TAF4: variants seen among roughly 807,000 people sequenced by gnomAD.
TAF4 encodes TATA-box binding protein associated factor 4.
In TAF4, 9 loss-of-function variants were observed where a neutral mutation model predicts 90.3. The observed-to-expected ratio is 0.10, with a 90% CI of 0.06 to 0.17. TAF4 has a LOEUF of 0.17. TAF4 is among the 10% of genes least tolerant of loss of function. The probability of loss-of-function intolerance (pLI) is 1.00; values close to 1 mark genes in which losing one functional copy is unlikely to be tolerated. For synonymous variants in TAF4, 818 were observed against 638.9 expected, an observed-to-expected ratio of 1.28 and a Z score of -4.23; for missense variants, 1,351 against 1,370.7, an observed-to-expected ratio of 0.99 and a Z score of 0.23.
intron 1 of TAF4, among the ~76,000 whole-genome samples, chr20:62,029,764 G>T (rs576519490): frequency 1.2e-4 from 19 of 152,258 alleles, no homozygotes; most frequent in Non-Finnish European, 2.2e-4. Flanking sequence ...AAATTAGCTG[G>T]GCGTGGGAGC....
intron 1 of TAF4, among the ~76,000 whole-genome samples, chr20:62,060,917 G>A (rs1040172320): frequency 2.0e-5 from 3 of 152,204 alleles, no homozygotes; most frequent in Non-Finnish European, 2.9e-5. Context: ...AGTGAAAAAT[G>A]AGGGGAACTG....
intron 14 of TAF4, among the ~76,000 whole-genome samples, chr20:61,983,621 C>T (rs761256047): frequency 6.6e-6 from 1 of 152,130 alleles, no homozygotes; most frequent in Non-Finnish European, 1.5e-5. Context: ...GCTATGATCA[C>T]GCCACCAAAC....
chr20:62,030,548 C>T (rs989394072), intron 1 of TAF4, among the ~76,000 whole-genome samples: 2 of 152,204 alleles, frequency 1.3e-5, no homozygotes, highest in Non-Finnish European at 2.9e-5. Context: ...TGCCTCGAAG[C>T]ACATTTTCAA....
At chr20:62,023,702 CAT>C (rs1279820401) in intron 1 of TAF4, among the ~76,000 whole-genome samples, 1 of 137,798 alleles carries the variant, frequency 7.3e-6, no homozygotes, top group Non-Finnish European at 1.5e-5. Context: ...GAGCCGAGAC[CAT>C]GCCACTGCAC....
At chr20:62,027,104 A>G (rs748026026) in intron 1 of TAF4, among the ~76,000 whole-genome samples, 6 of 152,206 alleles carry the variant, frequency 3.9e-5, no homozygotes, top group Admixed American at 3.9e-4. Context: ...TTCACCCTGA[A>G]GTTTAAAGAC....
chr20:61,985,088 G>A (rs1020012379), intron 14 of TAF4, among the ~76,000 whole-genome samples: 8 of 133,782 alleles, frequency 6.0e-5, no homozygotes, highest in Non-Finnish European at 1.0e-4. Flanking sequence ...CTTTCTATAC[G>A]TTTTTGTACA....
At chr20:62,055,211 C>CGCTG (rs2145518148) in intron 1 of TAF4, among the ~76,000 whole-genome samples, 1 of 149,596 alleles carries the variant, frequency 6.7e-6, no homozygotes, top group African/African-American at 2.5e-5. Context: ...AATAGACTCA[C>CGCTG]GCTGCCTGCG....
At chr20:62,064,331 C>T (rs1469792715) in intron 1 of TAF4, 120 bp downstream of exon 1, 3 of 1,174,338 alleles carry the variant, frequency 2.6e-6, no homozygotes, top group African/African-American at 3.2e-5. Context: ...CCTCGGCCTG[C>T]TCCAGCCACG....
At chr20:61,977,240 G>A (rs940717284) in intron 14 of TAF4, among the ~76,000 whole-genome samples, 4 of 130,342 alleles carry the variant, frequency 3.1e-5, no homozygotes, top group African/African-American at 8.7e-5. Flanking sequence ...AGCGGGGCGC[G>A]CACCACACAC....
chr20:62,043,073 G>C (rs2055973212), intron 1 of TAF4, among the ~76,000 whole-genome samples: 1 of 152,206 alleles, frequency 6.6e-6, no homozygotes, highest in African/African-American at 2.4e-5. Flanking sequence ...TGTAAACCCA[G>C]CATTTCTGGA....
chr20:62,053,121 C>T (rs1248548617), intron 1 of TAF4, among the ~76,000 whole-genome samples: 1 of 152,180 alleles, frequency 6.6e-6, no homozygotes, highest in African/African-American at 2.4e-5. Context: ...CCTTCGGGCC[C>T]AGGCAGAGCT....
At chr20:62,046,044 C>T (rs1204687616) in intron 1 of TAF4, among the ~76,000 whole-genome samples, 2 of 152,232 alleles carry the variant, frequency 1.3e-5, no homozygotes, top group East Asian at 1.9e-4. Context: ...CCCGCCAGGC[C>T]GCTGAAAGCC....
At chr20:61,999,170 G>A in intron 11 of TAF4, 62 bp from the exon 12 acceptor site, 1 of 1,589,198 alleles carries the variant, frequency 6.3e-7, no homozygotes, top group East Asian at 2.2e-5. Context: ...CAAAGGGGTT[G>A]TCTAGCACCA....
At chr20:61,996,162 A>C (rs1218259037) in intron 14 of TAF4, among the ~76,000 whole-genome samples, 3 of 152,228 alleles carry the variant, frequency 2.0e-5, no homozygotes, top group Non-Finnish European at 4.4e-5. Context: ...ACAAGCTTAA[A>C]AATTATAGCA....
At chr20:62,004,240 C>A (rs188501049) in intron 7 of TAF4, among the ~76,000 whole-genome samples, 1 of 152,250 alleles carries the variant, frequency 6.6e-6, no homozygotes, top group African/African-American at 2.4e-5. Flanking sequence ...CCACTGCCCC[C>A]CAAATATTAG....
rs1206055109 is a variant in TAF4 at position 61,975,804 on chromosome 20, A to G, written c.*364T>C. 5 of 236,894 alleles carry G rather than the reference A, an allele frequency of 2.1e-5. No individual in the cohort carries two copies. Among genetic ancestry groups the G allele is most frequent in the African/African-American group, 8.9e-5 (4 of 44,832 alleles). The allele number at this position is 236,894 out of a possible 1,614,324, so 14.7% of individuals were successfully genotyped here. On this transcript the variant is annotated 3_prime_UTR_variant, in exon 15 of 15. Transcript: ENST00000252996. ...TCATCGGCTGTAGACATACACCTAC[A>G]TAGTAAGTTAGGTAGAACTAAACCA...
Position 61,976,276 on chromosome 20 carries a change from G to C in TAF4, c.3150C>G (p.Phe1050Leu). Residue 1050 changes from phenylalanine to leucine, a missense_variant, in exon 15 of 15, where the codon TTC becomes TTG. By Grantham distance (22) the Phe-to-Leu change is conservative (BLOSUM62 0). Around this residue, in one of 9 missense-constraint regions of TAF4, gnomAD observed 48 missense variants for 50.6 expected, o/e 0.95. Transcript: ENST00000252996. ...TGACCCGCGTGATTCTTTGTCGCGT[G>C]AACTGTCTGGGGGTTCCGACACCCG... Reference protein sequence around the residue: ...GSSGVGTPRQFTRQRITRVNL... With the variant: ...GSSGVGTPRQLTRQRITRVNL... 1 of 1,613,998 alleles carries C rather than the reference G, an allele frequency of 6.2e-7. No individual in the cohort carries two copies. The highest frequency in any genetic ancestry group is 8.5e-7 in the Non-Finnish European group (1 of 1,180,046).
intron 1 of TAF4, among the ~76,000 whole-genome samples, chr20:62,051,445 C>T (rs2056026876): frequency 1.3e-5 from 2 of 152,188 alleles, no homozygotes; most frequent in Non-Finnish European, 2.9e-5. Context: ...ATGCTCCCTC[C>T]CCACAGGGCC....
chr20:62,042,185 G>A lies in TAF4; in HGVS notation c.1360+22266C>T, dbSNP rs138985415. Among the ~76,000 whole-genome samples, 566 of 152,284 alleles carry A rather than the reference G, an allele frequency of 3.7e-3. 3 individuals carry two copies. The highest frequency in any genetic ancestry group is 5.0e-3 in the Non-Finnish European group (338 of 68,036). The stretch of plus-strand genomic sequence containing the variant: ...GCTCCACTGACGAGAGCAAAGTGGC[G>A]CAGCAGAGAAGGAGAAAAGAGAAGG... On this transcript the variant is annotated intron_variant, in intron 1 of 14. Coordinates refer to ENST00000252996, the MANE Select transcript of TAF4 (RefSeq NM_003185.4).
Sources: gnomAD v4.1 joint callset for allele counts (sites outside exome capture counted in the v4.1 genomes callset) on GRCh38, gnomAD v4.1.1 for gene constraint, gnomAD v4.1.1 regional missense constraint, MANE v1.5 for transcripts, NCBI Gene and HGNC (gene_info 2026-07-23, HGNC 2026-07-21) for gene names.